Variants in NNMT observed in about 807,000 individuals in gnomAD.
NNMT encodes nicotinamide N-methyltransferase.
In NNMT, 10 loss-of-function variants were observed where a neutral mutation model predicts 11.7. That is an observed-to-expected ratio of 0.85 (90% CI 0.53 to 1.45). NNMT has a LOEUF of 1.45. NNMT is among the 40% of genes most tolerant of loss of function. NNMT has a pLI of 0.00. For missense variants in NNMT, 381 were observed against 319.4 expected (o/e 1.19, Z -1.47); for synonymous variants, 143 against 133.8 (o/e 1.07, Z -0.48).
intron 2 of NNMT, among the ~76,000 whole-genome samples, chr11:114,281,821 C>T (rs943272709): frequency 6.6e-6 from 1 of 151,962 alleles, no homozygotes; most frequent in Non-Finnish European, 1.5e-5. Flanking sequence ...AATTGGATGC[C>T]AAAAAAGAGA....
At chr11:114,294,073 A>G (rs1011348501), upstream of NNMT, among the ~76,000 whole-genome samples, 1 of 152,200 alleles carries the variant, frequency 6.6e-6, no homozygotes, top group Non-Finnish European at 1.5e-5. Flanking sequence ...TATTTATGGG[A>G]GCTAAAAACT....
At chr11:114,292,222 A>G (rs1215563033), upstream of NNMT, among the ~76,000 whole-genome samples, 1 of 152,198 alleles carries the variant, frequency 6.6e-6, no homozygotes, top group Non-Finnish European at 1.5e-5. Context: ...TTTTATATCT[A>G]TATATCAGCA....
rs575891153 is a variant in NNMT at position 114,297,791 on chromosome 11, A to G, written c.155-160A>G. Reference sequence around the variant, plus strand: ...CATGAGCCACTGTGCCTGGCCCAGAAAAGATGTTTTAAAAAAACATTTTGA... The same window carrying G: ...CATGAGCCACTGTGCCTGGCCCAGAGAAGATGTTTTAAAAAAACATTTTGA... On this transcript the variant is annotated intron_variant, in intron 1 of 2. Transcript: ENST00000299964. 5.1e-4 allele frequency among the ~76,000 whole-genome samples: 77 copies of G among 152,308 alleles called. No individual in the cohort carries two copies. In the South Asian group the frequency reaches 0.016, roughly 31 times the overall value.
intron 1 of NNMT, among the ~76,000 whole-genome samples, chr11:114,259,503 C>T (rs942748314): frequency 1.3e-5 from 2 of 152,070 alleles, no homozygotes; most frequent in East Asian, 1.9e-4. Context: ...GGGCAGGATG[C>T]GGGGCAGGAG....
At chr11:114,289,315 T>C (rs537273198) in intron 2 of NNMT, among the ~76,000 whole-genome samples, 5 of 152,192 alleles carry the variant, frequency 3.3e-5, no homozygotes, top group Admixed American at 3.3e-4. Flanking sequence ...ATTTGTTAAT[T>C]GTATTTATCT....
intron 2 of NNMT, among the ~76,000 whole-genome samples, chr11:114,288,796 T>A (rs1351273734): frequency 6.6e-6 from 1 of 152,218 alleles, no homozygotes; most frequent in Non-Finnish European, 1.5e-5. Flanking sequence ...TGAAAAATAG[T>A]AAGCACCATA....
chr11:114,284,028 A>G (rs1476220575), intron 2 of NNMT, among the ~76,000 whole-genome samples: 2 of 152,248 alleles, frequency 1.3e-5, no homozygotes, highest in Non-Finnish European at 2.9e-5. Flanking sequence ...AACAGAGCAG[A>G]TAGCCCTAAA....
intron 2 of NNMT, among the ~76,000 whole-genome samples, chr11:114,282,580 C>G (rs1171231455): frequency 6.6e-6 from 1 of 152,172 alleles, no homozygotes; most frequent in Non-Finnish European, 1.5e-5. Context: ...TTCACAGCCC[C>G]CTTGCCTCAG....
rs1236344922 is a variant in NNMT at position 114,276,324 on chromosome 11, G to A, written c.-130+13390G>A. Among the ~76,000 whole-genome samples, 5 of 152,226 alleles carry A rather than the reference G, an allele frequency of 3.3e-5. No individual in the cohort carries two copies. The East Asian group carries it at 7.8e-4, about 24-fold the overall frequency. The stretch of plus-strand genomic sequence containing the variant: ...GGAGAAGTTGGAGAAGGCTCAGCAG[G>A]CAGCTGAGAGCCACTTCCACGACTG... On this transcript the variant is annotated intron_variant, in intron 2 of 4. Coordinates refer to the NNMT transcript ENST00000535401.
rs557397613 is a variant in NNMT, at chr11:114,262,208, AGCTTTT to A, written c.-216-639_-216-634del. ...AATTTTATTTTTATTTTTTATCTTCAGCTTTTAAGTTCAGGGGTACATGTGCCGGAT... is the reference window on the plus strand; with the variant it reads ...AATTTTATTTTTATTTTTTATCTTCAAAGTTCAGGGGTACATGTGCCGGAT... On this transcript the variant is annotated intron_variant, in intron 1 of 4. Transcript: ENST00000535401. Among the ~76,000 whole-genome samples, 618 of 152,144 alleles carry A rather than the reference AGCTTTT, an allele frequency of 4.1e-3. 4 individuals carry two copies. Among genetic ancestry groups the A allele is most frequent in the African/African-American group, 0.014 (589 of 41,482 alleles).
upstream of NNMT, chr11:114,296,317 C>G: frequency 2.1e-6 from 1 of 470,662 alleles, no homozygotes; most frequent in South Asian, 2.8e-5. Context: ...ATACCCTCCA[C>G]CCCCGTTCGC....
chr11:114,304,449 T>C (rs1945470618), intron 2 of NNMT, among the ~76,000 whole-genome samples: 1 of 152,226 alleles, frequency 6.6e-6, no homozygotes, highest in African/African-American at 2.4e-5. Context: ...TGGCAGTAAA[T>C]TTCTGCATTC....
At chr11:114,273,979 A>G (rs770479186) in intron 2 of NNMT, among the ~76,000 whole-genome samples, 26 of 152,186 alleles carry the variant, frequency 1.7e-4, no homozygotes, top group Non-Finnish European at 3.1e-4. Context: ...ACAGTGGTCA[A>G]TTGGCAGTTG....
intron 2 of NNMT, among the ~76,000 whole-genome samples, chr11:114,276,821 G>T (rs1354157476): frequency 1.3e-5 from 2 of 152,188 alleles, no homozygotes; most frequent in African/African-American, 4.8e-5. Context: ...AAGAACAGAG[G>T]TTTCCGCATC....
intron 2 of NNMT, among the ~76,000 whole-genome samples, chr11:114,281,526 C>T (rs1344101186): frequency 6.6e-6 from 1 of 152,076 alleles, no homozygotes; most frequent in African/African-American, 2.4e-5. Context: ...AGAATTTAGA[C>T]AAGCAAAGGG....
At chr11:114,279,858 G>A (rs1945246436) in intron 2 of NNMT, among the ~76,000 whole-genome samples, 1 of 152,226 alleles carries the variant, frequency 6.6e-6, no homozygotes, top group Admixed American at 6.5e-5. Flanking sequence ...CCTAATTTGG[G>A]GGAGATAATG....
intron 2 of NNMT, among the ~76,000 whole-genome samples, chr11:114,308,791 C>T (rs1220303932): frequency 6.6e-6 from 1 of 152,156 alleles, no homozygotes; most frequent in Admixed American, 6.5e-5. Flanking sequence ...GCAGGCTTTA[C>T]ACAGCTACCT....
At chr11:114,274,226 G>T (rs1945195869) in intron 2 of NNMT, among the ~76,000 whole-genome samples, 1 of 152,248 alleles carries the variant, frequency 6.6e-6, no homozygotes, top group South Asian at 2.1e-4. Flanking sequence ...TTTTGGGAAA[G>T]GTGGACCTCA....
chr11:114,266,238 T>C (rs375634056), intron 2 of NNMT, among the ~76,000 whole-genome samples: 11 of 152,118 alleles, frequency 7.2e-5, no homozygotes, highest in African/African-American at 2.7e-4. Flanking sequence ...CCTCGCTGTT[T>C]CCCTTAGAGC....
Sources: gnomAD v4.1 joint callset for allele counts (sites outside exome capture counted in the v4.1 genomes callset) on GRCh38, gnomAD v4.1.1 for gene constraint, MANE v1.5 for transcripts, NCBI Gene and HGNC (gene_info 2026-07-23, HGNC 2026-07-21) for gene names.